Variants in GAL3ST2 observed in about 807,000 individuals in gnomAD.
The protein encoded by GAL3ST2 is galactose-3-O-sulfotransferase 2, also known as beta-galactose-3-O-sulfotransferase 2.
GAL3ST2 carries 16 observed loss-of-function variants against 12.9 expected under a neutral mutation model. The observed-to-expected ratio is 1.24, with a 90% CI of 0.84 to 1.88. GAL3ST2 has a LOEUF of 1.88. Among genes scored for constraint, GAL3ST2 ranks in the 40% most tolerant of loss-of-function variants. The probability of loss-of-function intolerance (pLI) is 0.00; values close to 1 mark genes in which losing one functional copy is unlikely to be tolerated. For synonymous variants in GAL3ST2, 302 were observed against 273.9 expected, an observed-to-expected ratio of 1.10 and a Z score of -1.01; for missense variants, 639 against 571.8, an observed-to-expected ratio of 1.12 and a Z score of -1.20.
intron 1 of GAL3ST2, among the ~76,000 whole-genome samples, chr2:241,792,891 A>C (rs1035264760): frequency 1.3e-5 from 2 of 152,184 alleles, no homozygotes; most frequent in Admixed American, 6.5e-5. Flanking sequence ...TGTGTATCTG[A>C]CTGCCTCCTT....
chr2:241,795,003 C>T lies in GAL3ST2; in HGVS notation c.30-4062C>T, dbSNP rs937096102. ...ATTAGAGTGCACAATTCGCTGGTTT[C>T]TAGTAAATTCCCAGTAGTGCAGCCA... On this transcript the variant is annotated intron_variant, in intron 1 of 3. Transcript: ENST00000192314. The surrounding 1 kb of genome is among the most constrained non-coding windows in gnomAD (Gnocchi z 4.5). Among the ~76,000 whole-genome samples the T allele has an allele frequency of 2.0e-5, 3 of 152,156 alleles. No homozygotes were observed. The highest frequency in any genetic ancestry group is 2.9e-5 in the Non-Finnish European group (2 of 68,026).
At chr2:241,799,018 G>C in intron 1 of GAL3ST2, 47 bp from the exon 2 acceptor site, 1 of 1,503,210 alleles carries the variant, frequency 6.7e-7, no homozygotes, top group African/African-American at 1.4e-5. Context: ...GTGGGGGTGG[G>C]GCTGGCACGA....
chr2:241,786,139 T>TTGTGTGTGTGTGTG (rs141438054), intron 1 of GAL3ST2, among the ~76,000 whole-genome samples: 49 of 145,952 alleles, frequency 3.4e-4, no homozygotes, highest in African/African-American at 1.1e-3. Flanking sequence ...CACACACCTT[T>TTGTGTGTGTGTGTG]TGTGTGTGTG....
At chr2:241,779,435 G>T (rs1389646056) in intron 1 of GAL3ST2, among the ~76,000 whole-genome samples, 1 of 150,514 alleles carries the variant, frequency 6.6e-6, no homozygotes, top group Admixed American at 6.6e-5. Flanking sequence ...GGGTTTCACC[G>T]TGTTAGCCAG....
At position 241,776,888 on chromosome 2, in the gene GAL3ST2, G is replaced by A. The variant is rs960676250; in HGVS notation, c.-68G>A. The stretch of plus-strand genomic sequence containing the variant: ...CCTGGGGAGCCCAGAGCCGGCAGGG[G>A]CCGAGGCGGTGGGACCTCGGGGGAG... On this transcript the variant is annotated 5_prime_UTR_variant, in exon 1 of 4. Coordinates refer to ENST00000192314, the MANE Select transcript of GAL3ST2 (RefSeq NM_022134.3). 2.1e-5 allele frequency: 29 copies of A among 1,352,880 alleles called. No homozygotes were observed. The highest frequency in any genetic ancestry group is 2.9e-5 in the Admixed American group (1 of 34,706). The allele number at this position is 1,352,880 out of a possible 1,614,324, so 83.8% of individuals were successfully genotyped here.
At position 241,800,314 on chromosome 2, in the gene GAL3ST2, C is replaced by T. The variant is rs185274089; in HGVS notation, c.119+1160C>T. On this transcript the variant is annotated intron_variant, in intron 2 of 3. Transcript: ENST00000192314. This position sits in a 1 kb window ranked among gnomAD's most constrained non-coding sequence, Gnocchi z 5.2. Reference sequence around the variant, plus strand: ...ACAGGCTGGGAGCACAGCCGCCGACCCAGGCTGGGAGCACAGCCGCCGACC... The same window carrying T: ...ACAGGCTGGGAGCACAGCCGCCGACTCAGGCTGGGAGCACAGCCGCCGACC... 6.5e-3 allele frequency among the ~76,000 whole-genome samples: 983 copies of T among 150,544 alleles called. 18 individuals are homozygous for T. Among genetic ancestry groups the T allele is most frequent in the East Asian group, 0.063 (323 of 5,128 alleles).
Position 241,803,869 on chromosome 2 carries a change from G to T in GAL3ST2, c.900G>T (p.Pro300=), listed in dbSNP as rs1449735018. ...LWAQLRAELG[P]RRLRGEVERL... ...CGCAGCTGCGCGCCGAGCTGGGGCC[G>T]CGGCGGCTGCGCGGGGAGGTGGAGC... Residue 300 remains proline, a synonymous_variant, in exon 4 of 4, where the codon CCG becomes CCT. Transcript: ENST00000192314. The T allele has an allele frequency of 7.0e-7, 1 of 1,423,872 alleles. No individual in the cohort carries two copies. Among genetic ancestry groups the T allele is most frequent in the Non-Finnish European group, 9.1e-7 (1 of 1,098,712 alleles). The allele number at this position is 1,423,872 out of a possible 1,614,324, so 88.2% of individuals were successfully genotyped here.
chr2:241,779,476 G>A (rs1222103721), intron 1 of GAL3ST2, among the ~76,000 whole-genome samples: 7 of 150,574 alleles, frequency 4.6e-5, no homozygotes, highest in Non-Finnish European at 7.4e-5. Context: ...CTCGTGATCC[G>A]CCGGCCTTGG....
chr2:241,801,625 C>T lies in GAL3ST2; in HGVS notation c.120-156C>T. 1.1e-6 allele frequency: 1 copy of T among 919,404 alleles called. No individual in the cohort carries two copies. Among genetic ancestry groups the T allele is most frequent in the South Asian group, 1.7e-5 (1 of 57,462 alleles). The allele number at this position is 919,404 out of a possible 1,614,324, so 57.0% of individuals were successfully genotyped here. On this transcript the variant is annotated intron_variant, in intron 2 of 3. Coordinates refer to ENST00000192314, the MANE Select transcript of GAL3ST2 (RefSeq NM_022134.3). The surrounding 1 kb of genome is among the most constrained non-coding windows in gnomAD (Gnocchi z 4.4). The stretch of plus-strand genomic sequence containing the variant: ...TGTGGAGTGGGGCAAGGATTGGGGC[C>T]ATGGGTCGGTGCCTACCCAGTTGGC...
Position 241,801,426 on chromosome 2 carries a change from A to C in GAL3ST2, c.120-355A>C. On this transcript the variant is annotated intron_variant, in intron 2 of 3. Transcript: ENST00000192314. This position sits in a 1 kb window ranked among gnomAD's most constrained non-coding sequence, Gnocchi z 4.4. ...GGGGAGGGGGTGTGACGAGGCGTCT[A>C]CCTCCCATCCCATCACTGCTGGGAA... 3.0e-6 allele frequency: 1 copy of C among 338,866 alleles called. No homozygotes were observed. The allele number at this position is 338,866 out of a possible 1,614,324, so 21.0% of individuals were successfully genotyped here. A position where few individuals can be genotyped will look rare whatever the true frequency, so the allele number is the denominator to read the frequency against.
chr2:241,791,250 C>T (rs375566752), intron 1 of GAL3ST2, among the ~76,000 whole-genome samples: 1 of 152,156 alleles, frequency 6.6e-6, no homozygotes, highest in African/African-American at 2.4e-5. Context: ...TACCTGGTTT[C>T]CCCAGAATTT....
At chr2:241,797,087 A>G (rs1176643106) in intron 1 of GAL3ST2, among the ~76,000 whole-genome samples, 2 of 152,234 alleles carry the variant, frequency 1.3e-5, no homozygotes, top group Non-Finnish European at 2.9e-5. Context: ...TCAAACTCCT[A>G]GGCTCAAGCA....
intron 2 of GAL3ST2, among the ~76,000 whole-genome samples, chr2:241,799,626 C>T (rs73106174): frequency 3.9e-5 from 6 of 152,188 alleles, no homozygotes; most frequent in African/African-American, 1.4e-4. Context: ...GTGCTCACCT[C>T]GCAGCCCAGC....
intron 1 of GAL3ST2, among the ~76,000 whole-genome samples, chr2:241,777,340 C>G (rs1329933623): frequency 6.6e-6 from 1 of 152,128 alleles, no homozygotes; most frequent in African/African-American, 2.4e-5. Context: ...GCGGCTCAGG[C>G]CCATGGCTGG....
intron 1 of GAL3ST2, among the ~76,000 whole-genome samples, chr2:241,784,359 C>G (rs535173598): frequency 5.5e-4 from 84 of 152,248 alleles, no homozygotes; most frequent in African/African-American, 1.9e-3. Flanking sequence ...AAAGATTACA[C>G]AAATAAAGAC....
chr2:241,793,257 A>G lies in GAL3ST2; in HGVS notation c.30-5808A>G, dbSNP rs148786702. On this transcript the variant is annotated intron_variant, in intron 1 of 3. Coordinates refer to ENST00000192314, the MANE Select transcript of GAL3ST2 (RefSeq NM_022134.3). The surrounding 1 kb of genome is among the most constrained non-coding windows in gnomAD (Gnocchi z 4.7). ...GTTAATTTAGAAAGTTTATTTTGCCATAAAGTTCATCCATGTCCAGCGAGC... is the reference window on the plus strand; with the variant it reads ...GTTAATTTAGAAAGTTTATTTTGCCGTAAAGTTCATCCATGTCCAGCGAGC... Among the ~76,000 whole-genome samples the G allele has an allele frequency of 1.5e-3, 236 of 152,354 alleles. 2 individuals are homozygous for G. The highest frequency in any genetic ancestry group is 5.1e-3 in the African/African-American group (214 of 41,580).
intron 1 of GAL3ST2, among the ~76,000 whole-genome samples, chr2:241,790,744 C>A (rs1230029061): frequency 6.6e-6 from 1 of 152,216 alleles, no homozygotes; most frequent in Non-Finnish European, 1.5e-5. Flanking sequence ...AATCACCTTT[C>A]TCCTTTGTTT....
Position 241,800,116 on chromosome 2 carries a change from T to G in GAL3ST2, c.119+962T>G, listed in dbSNP as rs1458231143. Among the ~76,000 whole-genome samples, 1 of 152,040 alleles carries G rather than the reference T, an allele frequency of 6.6e-6. No individual in the cohort carries two copies. The highest frequency in any genetic ancestry group is 2.4e-5 in the African/African-American group (1 of 41,396). ...GTGTAGCCCCCGAGGGAAACAGGGA[T>G]GGGTCTGAGGACACTGTCTCCGTGG... On this transcript the variant is annotated intron_variant, in intron 2 of 3. Transcript: ENST00000192314. The surrounding 1 kb of genome is among the most constrained non-coding windows in gnomAD (Gnocchi z 5.2).
chr2:241,798,974 G>A (rs1699809270), intron 1 of GAL3ST2, 91 bp from the exon 2 acceptor site: 1 of 1,003,144 alleles, frequency 1.0e-6, no homozygotes, highest in African/African-American at 1.6e-5. Context: ...AGACCTGTGT[G>A]GCCCAAGGCC....
Sources: gnomAD v4.1 joint callset for allele counts (sites outside exome capture counted in the v4.1 genomes callset) on GRCh38, gnomAD v4.1.1 for gene constraint, Gnocchi (gnomAD v3.1) non-coding constraint, MANE v1.5 for transcripts, NCBI Gene and HGNC (gene_info 2026-07-23, HGNC 2026-07-21) for gene names.